Variants in NWD1 observed in about 807,000 individuals in gnomAD.
NWD1 encodes NACHT domain- and WD repeat-containing protein 1.
NWD1 carries 129 observed loss-of-function variants against 135.1 expected under a neutral mutation model. The observed-to-expected ratio is 0.96, with a 90% CI of 0.83 to 1.11. NWD1 has a LOEUF of 1.11. Ranked by LOEUF, NWD1 falls within the 50% of genes least tolerant of loss-of-function variation. NWD1 has a pLI of 0.00. For synonymous variants in NWD1, 773 were observed against 786.0 expected (o/e 0.98, Z 0.28); for missense variants, 1,740 against 1,851.3 (o/e 0.94, Z 1.10).
At chr19:16,752,117 A>G (rs765331759) in intron 6 of NWD1, among the ~76,000 whole-genome samples, 4 of 152,226 alleles carry the variant, frequency 2.6e-5, no homozygotes, top group Middle Eastern at 6.8e-3. Flanking sequence ...ACGCCAAGGA[A>G]CAAAACTTTG....
chr19:16,773,139 G>A lies in NWD1; in HGVS notation c.2424G>A (p.Leu808=), dbSNP rs774645348. The A allele has an allele frequency of 9.3e-6, 15 of 1,613,770 alleles. No homozygotes were observed. Among genetic ancestry groups the A allele is most frequent in the Non-Finnish European group, 1.3e-5 (15 of 1,180,008 alleles). Residue 808 remains leucine (L), a synonymous_variant, in exon 11 of 19, where the codon CTG becomes CTA. Coordinates refer to ENST00000524140, the MANE Select transcript of NWD1 (RefSeq NM_001007525.5). ...VELRGMERSL[L]YTELLARLHF... ...CCTTTGTTGCAGAGAGGAGCCTCCT[G>A]TACACAGAACTGCTGGCCAGACTCC... is the stretch of plus-strand genomic sequence containing the variant.
chr19:16,779,228 C>CT, intron 11 of NWD1, 115 bp from the exon 12 acceptor site: 2 of 1,223,618 alleles, frequency 1.6e-6, no homozygotes, highest in Non-Finnish European at 2.4e-6. Context: ...GGGACCAAAT[C>CT]TCTCTGTGCC....
chr19:16,807,803 T>A lies in NWD1; in HGVS notation c.3954T>A (p.Tyr1318Ter). The A allele has an allele frequency of 6.2e-7, 1 of 1,614,152 alleles. No individual in the cohort carries two copies. ...GCGAGGACCGCCTGGCCATCGCCTA[T>A]GACAACATCGTCCTGGTGCTGGACA... ...SKCEDRLAIA[Y>*]DNIVLVLDIT... The change falls in exon 18 of 19, where the codon TAT (tyrosine) becomes TAA (stop). Residue 1318 changes from tyrosine to a stop codon, truncating the protein, a stop_gained. Coordinates refer to ENST00000524140, the MANE Select transcript of NWD1 (RefSeq NM_001007525.5). LOFTEE classifies it high-confidence loss of function.
rs572996367 is a variant in NWD1 at position 16,754,833 on chromosome 19, A to G, written c.1770-4392A>G. On this transcript the variant is annotated intron_variant, in intron 6 of 18. Transcript: ENST00000524140. Reference sequence around the variant, plus strand: ...ATCCATCCATCCACACATCATCTCTATCTTCCCTGCATCCATCATCTCTAT... The same window carrying G: ...ATCCATCCATCCACACATCATCTCTGTCTTCCCTGCATCCATCATCTCTAT... Among the ~76,000 whole-genome samples, 25 of 147,028 alleles carry G rather than the reference A, an allele frequency of 1.7e-4. 1 individual carries two copies. The East Asian group carries it at 5.1e-3, about 30-fold the overall frequency.
chr19:16,757,707 G>A (rs1294913108), intron 6 of NWD1, among the ~76,000 whole-genome samples: 1 of 152,074 alleles, frequency 6.6e-6, no homozygotes, highest in African/African-American at 2.4e-5. Flanking sequence ...TCAACCTAGC[G>A]GTTCACCCAT....
chr19:16,744,794 C>A, intron 5 of NWD1, 76 bp downstream of exon 5: 2 of 1,253,998 alleles, frequency 1.6e-6, no homozygotes, highest in Non-Finnish European at 2.2e-6. Context: ...CCCCTGTTGG[C>A]AAAAATGCAA....
intron 10 of NWD1, among the ~76,000 whole-genome samples, chr19:16,767,439 A>AC (rs1426777203): frequency 6.6e-6 from 1 of 151,946 alleles, no homozygotes. Context: ...ACATGGTGAA[A>AC]CCCCAGCTCT....
chr19:16,724,340 G>A (rs1312393650), intron 1 of NWD1, 26 bp from the exon 2 acceptor site: 2 of 152,170 alleles, frequency 1.3e-5, no homozygotes, highest in African/African-American at 4.8e-5. Flanking sequence ...CAAGCGCCCT[G>A]AATGGCTCTT....
chr19:16,730,624 G>A (rs1599424290), intron 2 of NWD1, among the ~76,000 whole-genome samples: 1 of 152,122 alleles, frequency 6.6e-6, no homozygotes, highest in South Asian at 2.1e-4. Flanking sequence ...GGCTGAGGTG[G>A]GAGGATTGAC....
chr19:16,726,914 C>T (rs1175402554), intron 2 of NWD1, among the ~76,000 whole-genome samples: 4 of 152,134 alleles, frequency 2.6e-5, no homozygotes, highest in African/African-American at 9.7e-5. Context: ...TGCAAGTGTC[C>T]CCTGGGGGCT....
At chr19:16,788,755 G>T (rs1266793948) in intron 12 of NWD1, among the ~76,000 whole-genome samples, 3 of 151,972 alleles carry the variant, frequency 2.0e-5, no homozygotes, top group African/African-American at 7.3e-5. Flanking sequence ...CTGTTATTAG[G>T]CATACAAGCG....
chr19:16,764,197 C>T (rs563969018), intron 9 of NWD1, among the ~76,000 whole-genome samples: 1 of 152,238 alleles, frequency 6.6e-6, no homozygotes, highest in African/African-American at 2.4e-5. Context: ...GCTTAATACC[C>T]TACAGTGCAC....
chr19:16,775,708 G>A (rs1356808823), intron 11 of NWD1, among the ~76,000 whole-genome samples: 4 of 151,802 alleles, frequency 2.6e-5, no homozygotes, highest in African/African-American at 4.8e-5. Context: ...TGTTCTTGTC[G>A]CCCAGGCTGG....
chr19:16,740,633 C>T (rs1032392990), intron 4 of NWD1, among the ~76,000 whole-genome samples: 3 of 149,920 alleles, frequency 2.0e-5, no homozygotes, highest in Non-Finnish European at 4.4e-5. Flanking sequence ...CCACTGCGCC[C>T]AGACTTCTAT....
chr19:16,797,978 C>T (rs1599550640), intron 16 of NWD1, 92 bp downstream of exon 16: 1 of 1,294,802 alleles, frequency 7.7e-7, no homozygotes, highest in East Asian at 2.4e-5. Flanking sequence ...ATACAGACAC[C>T]CACAAAAATG....
chr19:16,736,880 T>A (rs1173413549), intron 4 of NWD1, 130 bp downstream of exon 4: 3 of 650,922 alleles, frequency 4.6e-6, no homozygotes, highest in African/African-American at 3.6e-5. Context: ...ATGGCCTGCC[T>A]GTGGCAGACA....
At position 16,782,804 on chromosome 19, in the gene NWD1, G is replaced by C. The variant is rs546966044; in HGVS notation, c.2731+3339G>C. Among the ~76,000 whole-genome samples, 5 of 152,184 alleles carry C rather than the reference G, an allele frequency of 3.3e-5. No homozygotes were observed. In the South Asian group the frequency reaches 1.0e-3, roughly 32 times the overall value. On this transcript the variant is annotated intron_variant, in intron 12 of 18. Transcript: ENST00000524140. ...GTTTGAGTTCAGCCTGGGCAACAGA[G>C]TGAGATCCTGTCTTTTGGTTGTTGT...
chr19:16,738,392 A>AATACATTATATATTATATATATATATTTC, intron 4 of NWD1: 1 of 264,876 alleles, frequency 3.8e-6, no homozygotes, highest in African/African-American at 2.3e-5. Flanking sequence ...AACATGGTGA[A>AATACATTATATATTATATATATATATTTC]ACCCCATCTC....
intron 18 of NWD1, chr19:16,812,859 T>C (rs1352323428): frequency 9.0e-6 from 7 of 780,774 alleles, no homozygotes; most frequent in East Asian, 7.3e-5. Context: ...TGGTGAGTCA[T>C]TTTGCTTTTA....
Sources: gnomAD v4.1 joint callset for allele counts (sites outside exome capture counted in the v4.1 genomes callset) on GRCh38, gnomAD v4.1.1 for gene constraint, MANE v1.5 for transcripts, NCBI Gene and HGNC (gene_info 2026-07-23, HGNC 2026-07-21) for gene names.